LMBR1: variants seen among roughly 807,000 people sequenced by gnomAD.
LMBR1 encodes limb region 1 protein homolog.
Under a neutral mutation model 73.9 loss-of-function variants are expected in LMBR1, and 52 were observed. The observed-to-expected ratio is 0.70, with a 90% CI of 0.56 to 0.89. The LOEUF (loss-of-function observed/expected upper bound fraction) is 0.89. Ranked by LOEUF, LMBR1 falls within the 40% of genes least tolerant of loss-of-function variation. The probability of loss-of-function intolerance (pLI) is 0.00; values close to 1 mark genes in which losing one functional copy is unlikely to be tolerated. For synonymous variants in LMBR1, 215 were observed against 209.4 expected, an observed-to-expected ratio of 1.03 and a Z score of -0.23; for missense variants, 539 against 579.8, an observed-to-expected ratio of 0.93 and a Z score of 0.72.
intron 1 of LMBR1, among the ~76,000 whole-genome samples, chr7:156,853,429 C>T (rs1039177491): frequency 4.6e-5 from 7 of 152,002 alleles, no homozygotes; most frequent in African/African-American, 9.7e-5. Flanking sequence ...AGCACTATCC[C>T]TTATGATCTC....
chr7:156,752,971 G>A (rs1470841422), intron 9 of LMBR1, among the ~76,000 whole-genome samples: 2 of 151,308 alleles, frequency 1.3e-5, no homozygotes, highest in African/African-American at 2.4e-5. Flanking sequence ...GGAAATGATG[G>A]GGGGTGAGAA....
intron 15 of LMBR1, among the ~76,000 whole-genome samples, chr7:156,699,327 G>T (rs1809083235): frequency 6.6e-6 from 1 of 152,028 alleles, no homozygotes; most frequent in Admixed American, 6.5e-5. Context: ...TTTAATAAAT[G>T]GTGCTGGGAA....
At chr7:156,760,016 C>G (rs766052384) in intron 8 of LMBR1, among the ~76,000 whole-genome samples, 26 of 152,126 alleles carry the variant, frequency 1.7e-4, no homozygotes, top group South Asian at 4.2e-4. Context: ...TAGGTCAAAG[C>G]AGGTGACCAG....
At chr7:156,863,937 G>A (rs915629860) in intron 1 of LMBR1, among the ~76,000 whole-genome samples, 2 of 152,016 alleles carry the variant, frequency 1.3e-5, no homozygotes, top group Non-Finnish European at 2.9e-5. Context: ...ATCACTTGAG[G>A]ACAGAAGTTC....
At chr7:156,891,229 T>TACACAC (rs1455159710) in intron 1 of LMBR1, among the ~76,000 whole-genome samples, 3 of 81,564 alleles carry the variant, frequency 3.7e-5, no homozygotes, top group African/African-American at 9.9e-5. Context: ...TATATATATA[T>TACACAC]ATATACACAC....
chr7:156,684,193 A>G (rs1263312057), intron 16 of LMBR1, 30 bp from the exon 17 acceptor site: 7 of 1,530,232 alleles, frequency 4.6e-6, no homozygotes, highest in South Asian at 3.4e-5. Flanking sequence ...ATGGTGAGAA[A>G]TGATATATTG....
At chr7:156,717,222 G>A (rs778790713) in intron 15 of LMBR1, among the ~76,000 whole-genome samples, 14 of 152,228 alleles carry the variant, frequency 9.2e-5, no homozygotes, top group Non-Finnish European at 1.6e-4. Context: ...GAAGGTGGAA[G>A]CATTTACCAT....
chr7:156,723,732 T>C lies in LMBR1; in HGVS notation c.1225+380A>G, dbSNP rs542757218. The stretch of plus-strand genomic sequence containing the variant: ...AGCAGCTTAAAATAATTTACAAATT[T>C]TCAATTTTTTAAACCATACTAAATT... On this transcript the variant is annotated intron_variant, in intron 15 of 16. Transcript: ENST00000353442. Among the ~76,000 whole-genome samples, 5 of 152,244 alleles carry C rather than the reference T, an allele frequency of 3.3e-5. No individual in the cohort carries two copies. In the East Asian group the frequency reaches 7.7e-4, roughly 23 times the overall value.
chr7:156,839,660 T>A (rs1388993980), intron 1 of LMBR1, among the ~76,000 whole-genome samples: 1 of 152,128 alleles, frequency 6.6e-6, no homozygotes, highest in African/African-American at 2.4e-5. Flanking sequence ...CTGCACATCA[T>A]CATGTAGGAA....
At position 156,685,530 on chromosome 7, in the gene LMBR1, T is replaced by C. The variant is rs1805823343; in HGVS notation, c.1388-1367A>G. 3.9e-5 allele frequency among the ~76,000 whole-genome samples: 6 copies of C among 152,324 alleles called. No homozygotes were observed. The South Asian group carries it at 1.0e-3, about 26-fold the overall frequency. ...GCAGACAGCATGTCACTGTCCTGAG[T>C]GCTGCAGCCACTGCGGCACCATGGC... On this transcript the variant is annotated intron_variant, in intron 16 of 16. Transcript: ENST00000353442. This position sits in a 1 kb window ranked among gnomAD's most constrained non-coding sequence, Gnocchi z 4.1.
chr7:156,771,878 T>C lies in LMBR1; in HGVS notation c.424-8083A>G, dbSNP rs553464601. On this transcript the variant is annotated intron_variant, in intron 5 of 16. Transcript: ENST00000353442. ...CAAATCCAGCAGCACATCAAAAAGC[T>C]AATCCACCATGATCAAGTAGGCTTT... 4.6e-5 allele frequency among the ~76,000 whole-genome samples: 7 copies of C among 152,292 alleles called. No individual in the cohort carries two copies. The South Asian group carries it at 1.0e-3, about 23-fold the overall frequency.
intron 9 of LMBR1, among the ~76,000 whole-genome samples, chr7:156,742,154 GA>G (rs1819013626): frequency 6.6e-6 from 1 of 152,056 alleles, no homozygotes; most frequent in Non-Finnish European, 1.5e-5. Flanking sequence ...GCAGTACTAA[GA>G]GGGAAGTTTA....
At chr7:156,809,192 C>T (rs549254435) in intron 4 of LMBR1, among the ~76,000 whole-genome samples, 1 of 152,338 alleles carries the variant, frequency 6.6e-6, no homozygotes, top group Admixed American at 6.5e-5. Flanking sequence ...CTACCCACCT[C>T]CTACCACATG....
rs149932045 is a variant in LMBR1 at position 156,717,361 on chromosome 7, G to A, written c.1225+6751C>T. ...AGTGTGAGGTGGCAGGAGGACACCC[G>A]TAAGTAGCACAGAGCTAGATTTCTC... is the stretch of plus-strand genomic sequence containing the variant. On this transcript the variant is annotated intron_variant, in intron 15 of 16. Transcript: ENST00000353442. Among the ~76,000 whole-genome samples, 568 of 152,300 alleles carry A rather than the reference G, an allele frequency of 3.7e-3. 2 individuals are homozygous for A. The highest frequency in any genetic ancestry group is 0.01 in the Middle Eastern group (3 of 294).
intron 1 of LMBR1, among the ~76,000 whole-genome samples, chr7:156,863,345 T>A (rs1797999139): frequency 6.6e-6 from 1 of 151,896 alleles, no homozygotes; most frequent in African/African-American, 2.4e-5. Flanking sequence ...TTTCACATTT[T>A]TTTTTTTTCT....
At chr7:156,794,490 A>G (rs1409367830) in intron 5 of LMBR1, among the ~76,000 whole-genome samples, 1 of 152,144 alleles carries the variant, frequency 6.6e-6, no homozygotes, top group Non-Finnish European at 1.5e-5. Context: ...CTAATTCTTC[A>G]AACAGATTTA....
At position 156,685,545 on chromosome 7, in the gene LMBR1, G is replaced by A. The variant is rs937457294; in HGVS notation, c.1388-1382C>T. Among the ~76,000 whole-genome samples the A allele has an allele frequency of 1.3e-5, 2 of 152,218 alleles. No individual in the cohort carries two copies. The highest frequency in any genetic ancestry group is 2.4e-5 in the African/African-American group (1 of 41,460). The stretch of plus-strand genomic sequence containing the variant: ...CTGTCCTGAGTGCTGCAGCCACTGC[G>A]GCACCATGGCACATATCTGTGCATC... On this transcript the variant is annotated intron_variant, in intron 16 of 16. Transcript: ENST00000353442. The surrounding 1 kb of genome is among the most constrained non-coding windows in gnomAD (Gnocchi z 4.1).
intron 1 of LMBR1, chr7:156,872,272 A>T (rs1255631025): frequency 6.6e-6 from 1 of 152,170 alleles, no homozygotes; most frequent in East Asian, 1.9e-4. Context: ...CAGGATAGAA[A>T]AATCAACATC....
chr7:156,692,744 G>T (rs546431054), intron 15 of LMBR1, among the ~76,000 whole-genome samples: 1 of 152,310 alleles, frequency 6.6e-6, no homozygotes, highest in African/African-American at 2.4e-5. Context: ...ACAGTGGCCA[G>T]TGGGCTGCAC....
Sources: gnomAD v4.1 joint callset for allele counts (sites outside exome capture counted in the v4.1 genomes callset) on GRCh38, gnomAD v4.1.1 for gene constraint, Gnocchi (gnomAD v3.1) non-coding constraint, MANE v1.5 for transcripts, NCBI Gene and HGNC (gene_info 2026-07-23, HGNC 2026-07-21) for gene names.